PLPPR1: variants seen among roughly 807,000 people sequenced by gnomAD.
PLPPR1 encodes phospholipid phosphatase-related protein type 1.
PLPPR1 carries 10 observed loss-of-function variants against 33.1 expected under a neutral mutation model. The observed-to-expected ratio is 0.30, with a 90% CI of 0.19 to 0.51. The LOEUF (loss-of-function observed/expected upper bound fraction) is 0.51, where lower values mean the gene tolerates loss of function less well. Among genes scored for constraint, PLPPR1 ranks in the 20% least tolerant of loss-of-function variants. The pLI is 0.97. For missense variants in PLPPR1, 304 were observed against 408.1 expected (o/e 0.74, Z 2.20); for synonymous variants, 151 against 151.0 (o/e 1.00, Z 0.00).
At chr9:101,187,430 A>C (rs1022123189) in intron 2 of PLPPR1, 3 of 151,984 alleles carry the variant, frequency 2.0e-5, no homozygotes, top group African/African-American at 7.2e-5. Context: ...ACAAACATAA[A>C]TAGAAGTCTA....
chr9:101,108,959 A>AT (rs1414674910), intron 1 of PLPPR1, among the ~76,000 whole-genome samples: 1 of 94,156 alleles, frequency 1.1e-5, no homozygotes, highest in Non-Finnish European at 2.1e-5. Flanking sequence ...TGTCTTCAAT[A>AT]ATTTTTTTTT....
intron 1 of PLPPR1, among the ~76,000 whole-genome samples, chr9:101,030,010 A>T (rs924496676): frequency 2.0e-5 from 3 of 149,370 alleles, no homozygotes; most frequent in African/African-American, 4.9e-5. Flanking sequence ...TTTCCTTTCA[A>T]CCTCTTTCCT....
At chr9:101,160,137 G>T (rs1831753951) in intron 1 of PLPPR1, among the ~76,000 whole-genome samples, 1 of 152,134 alleles carries the variant, frequency 6.6e-6, no homozygotes, top group Non-Finnish European at 1.5e-5. Context: ...GAAATGAGAA[G>T]AACAATGGGA....
At chr9:101,197,391 T>C (rs754269262) in intron 2 of PLPPR1, among the ~76,000 whole-genome samples, 6 of 152,190 alleles carry the variant, frequency 3.9e-5, no homozygotes, top group Non-Finnish European at 7.3e-5. Context: ...TAAGGGCAAA[T>C]ATTTAAGGCA....
At position 101,271,389 on chromosome 9, in the gene PLPPR1, C is replaced by T. The variant is rs187854233; in HGVS notation, c.252+1321C>T. On this transcript the variant is annotated intron_variant, in intron 3 of 7. Transcript: ENST00000374874. ...AGGGAAACAAAAAACCTGGCTGGAACTGCTCTTTGCCCTCTTTGGAATCAC... is the reference window on the plus strand; with the variant it reads ...AGGGAAACAAAAAACCTGGCTGGAATTGCTCTTTGCCCTCTTTGGAATCAC... Among the ~76,000 whole-genome samples the T allele has an allele frequency of 5.9e-5, 9 of 152,314 alleles. No individual in the cohort carries two copies. In the East Asian group the frequency reaches 1.7e-3, roughly 29 times the overall value.
chr9:101,088,294 A>G (rs966553159), intron 1 of PLPPR1, among the ~76,000 whole-genome samples: 7 of 152,198 alleles, frequency 4.6e-5, no homozygotes, highest in Admixed American at 3.9e-4. Flanking sequence ...AATATGTGCA[A>G]TGATGGTTGT....
intron 1 of PLPPR1, among the ~76,000 whole-genome samples, chr9:101,108,985 G>T: frequency 1.4e-5 from 2 of 141,324 alleles, no homozygotes; most frequent in Admixed American, 7.2e-5. Flanking sequence ...TTGAGATGGA[G>T]TCTCCCTCTG....
At chr9:101,296,183 A>G (rs1828633442) in intron 4 of PLPPR1, among the ~76,000 whole-genome samples, 1 of 151,982 alleles carries the variant, frequency 6.6e-6, no homozygotes, top group African/African-American at 2.4e-5. Context: ...ATGCAGCCAA[A>G]AAACACATGA....
At chr9:101,030,373 C>A (rs1223296302) in intron 1 of PLPPR1, among the ~76,000 whole-genome samples, 1 of 150,594 alleles carries the variant, frequency 6.6e-6, no homozygotes, top group African/African-American at 2.4e-5. Flanking sequence ...AATTTCTATG[C>A]CCCTTCTGCT....
intron 7 of PLPPR1, 79 bp from the exon 8 acceptor site, chr9:101,323,946 G>A: frequency 8.1e-7 from 1 of 1,231,762 alleles, no homozygotes; most frequent in Non-Finnish European, 1.2e-6. Flanking sequence ...ACAAAACAAG[G>A]GAATATTTAG....
At chr9:101,265,024 A>G (rs1827962292) in intron 2 of PLPPR1, among the ~76,000 whole-genome samples, 1 of 152,168 alleles carries the variant, frequency 6.6e-6, no homozygotes, top group Non-Finnish European at 1.5e-5. Flanking sequence ...ATCAGGACAT[A>G]TAAATTATTG....
chr9:101,149,101 C>T (rs1831553476), intron 1 of PLPPR1, among the ~76,000 whole-genome samples: 1 of 152,122 alleles, frequency 6.6e-6, no homozygotes, highest in Non-Finnish European at 1.5e-5. Flanking sequence ...CAGAAATTTG[C>T]TCCACAGAAT....
chr9:101,314,209 T>C (rs572051854), intron 6 of PLPPR1, among the ~76,000 whole-genome samples: 1 of 152,340 alleles, frequency 6.6e-6, no homozygotes, highest in East Asian at 1.9e-4. Flanking sequence ...CCTCCTATTC[T>C]GCCCTCTCTG....
chr9:101,129,114 C>T (rs913390568), intron 1 of PLPPR1, among the ~76,000 whole-genome samples: 4 of 151,958 alleles, frequency 2.6e-5, no homozygotes, highest in Admixed American at 2.6e-4. Context: ...GGTAGAGTTC[C>T]TTGTCCTCTA....
At chr9:101,120,998 G>A (rs1029341044) in intron 1 of PLPPR1, among the ~76,000 whole-genome samples, 4 of 152,138 alleles carry the variant, frequency 2.6e-5, no homozygotes, top group African/African-American at 9.7e-5. Flanking sequence ...TCACAAGGAG[G>A]TGAACTATAA....
chr9:101,125,139 A>G (rs1425267895), intron 1 of PLPPR1, among the ~76,000 whole-genome samples: 3 of 150,870 alleles, frequency 2.0e-5, no homozygotes, highest in African/African-American at 7.3e-5. Flanking sequence ...TTATATTGCT[A>G]GTCTTTGCTT....
At chr9:101,231,920 A>C (rs978712891) in intron 2 of PLPPR1, among the ~76,000 whole-genome samples, 5 of 152,024 alleles carry the variant, frequency 3.3e-5, no homozygotes, top group African/African-American at 1.2e-4. Context: ...TACTTTTTCT[A>C]TCTTATACTT....
At chr9:101,050,252 T>C (rs1282635964) in intron 1 of PLPPR1, among the ~76,000 whole-genome samples, 1 of 152,066 alleles carries the variant, frequency 6.6e-6, no homozygotes, top group Non-Finnish European at 1.5e-5. Flanking sequence ...TTCTGTGAGT[T>C]CCAAATTGAT....
intron 1 of PLPPR1, among the ~76,000 whole-genome samples, chr9:101,080,319 T>G (rs1248378140): frequency 6.6e-6 from 1 of 152,000 alleles, no homozygotes; most frequent in Non-Finnish European, 1.5e-5. Context: ...CCCTAAGAGT[T>G]CAAGACCAGC....
Sources: allele counts gnomAD v4.1 joint callset (sites outside exome capture counted in the v4.1 genomes callset), GRCh38; gene constraint gnomAD v4.1.1; transcripts MANE v1.5; gene names NCBI Gene and HGNC (gene_info 2026-07-23, HGNC 2026-07-21).